THSD7B: variants seen among roughly 807,000 people sequenced by gnomAD.
THSD7B encodes the protein thrombospondin type 1 domain containing 7B.
Under a neutral mutation model 213.6 loss-of-function variants are expected in THSD7B, and 138 were observed. That is an observed-to-expected ratio of 0.65 (90% confidence interval 0.56 to 0.74). THSD7B has a LOEUF of 0.74. Ranked by LOEUF, THSD7B falls within the 30% of genes least tolerant of loss-of-function variation. The probability of loss-of-function intolerance (pLI) is 0.00; values close to 1 mark genes in which losing one functional copy is unlikely to be tolerated. For missense variants in THSD7B, 1,931 were observed against 1,991.5 expected, an observed-to-expected ratio of 0.97 and a Z score of 0.58; for synonymous variants, 742 against 687.0, an observed-to-expected ratio of 1.08 and a Z score of -1.25.
chr2:137,634,794 A>G (rs1266348308), intron 20 of THSD7B, among the ~76,000 whole-genome samples: 1 of 152,196 alleles, frequency 6.6e-6, no homozygotes, highest in African/African-American at 2.4e-5. Flanking sequence ...GAATTGCTTA[A>G]AATTTCCTAC....
At chr2:137,172,405 G>A (rs1037184387) in intron 7 of THSD7B, among the ~76,000 whole-genome samples, 2 of 152,142 alleles carry the variant, frequency 1.3e-5, no homozygotes, top group Non-Finnish European at 2.9e-5. Context: ...TGGAGATTGG[G>A]TTAATTATTG....
At chr2:137,377,418 A>G (rs919724992) in intron 12 of THSD7B, among the ~76,000 whole-genome samples, 2 of 152,196 alleles carry the variant, frequency 1.3e-5, no homozygotes, top group South Asian at 4.1e-4. Context: ...TAAAAAAGTT[A>G]ATATAAATGG....
chr2:137,047,576 G>A (rs1573788073), intron 2 of THSD7B, among the ~76,000 whole-genome samples: 2 of 152,328 alleles, frequency 1.3e-5, no homozygotes, highest in Middle Eastern at 6.8e-3. Flanking sequence ...TGGGAGCCAT[G>A]CAGGAGGGGT....
chr2:136,925,172 T>A (rs1164064176), intron 2 of THSD7B, among the ~76,000 whole-genome samples: 1 of 152,188 alleles, frequency 6.6e-6, no homozygotes, highest in Non-Finnish European at 1.5e-5. Flanking sequence ...CTATTCATTT[T>A]TCTTGTTCTT....
intron 12 of THSD7B, among the ~76,000 whole-genome samples, chr2:137,372,854 C>G (rs989741117): frequency 6.3e-5 from 8 of 126,566 alleles, no homozygotes; most frequent in Non-Finnish European, 9.8e-5. Flanking sequence ...CCCCTCCCCC[C>G]ACCCCACAAC....
intron 1 of THSD7B, among the ~76,000 whole-genome samples, chr2:136,875,234 C>G (rs1473339125): frequency 6.6e-6 from 1 of 152,044 alleles, no homozygotes; most frequent in Non-Finnish European, 1.5e-5. Context: ...CCAGGCTGGC[C>G]AAAATGGTGA....
chr2:136,872,578 TTTC>T (rs1683449779), intron 1 of THSD7B, among the ~76,000 whole-genome samples: 1 of 146,788 alleles, frequency 6.8e-6, no homozygotes, highest in African/African-American at 2.6e-5. Context: ...CTTCTTTCTC[TTTC>T]TTTTTCTTTC....
chr2:136,995,612 G>A (rs778031116), intron 2 of THSD7B, among the ~76,000 whole-genome samples: 7 of 152,094 alleles, frequency 4.6e-5, no homozygotes, highest in Non-Finnish European at 7.4e-5. Context: ...AAAGTGTGAT[G>A]TGAATCAATA....
chr2:137,174,575 T>A (rs1468066644), intron 7 of THSD7B, among the ~76,000 whole-genome samples: 1 of 152,210 alleles, frequency 6.6e-6, no homozygotes, highest in Non-Finnish European at 1.5e-5. Flanking sequence ...TTCCATTTTC[T>A]ACTTTGATTT....
chr2:137,085,107 G>A (rs1687814688), intron 3 of THSD7B, among the ~76,000 whole-genome samples: 1 of 152,202 alleles, frequency 6.6e-6, no homozygotes, highest in Non-Finnish European at 1.5e-5. Context: ...TACACATGAA[G>A]CAAGAGATAG....
At chr2:137,434,034 A>C (rs1043006670) in intron 14 of THSD7B, among the ~76,000 whole-genome samples, 5 of 152,204 alleles carry the variant, frequency 3.3e-5, no homozygotes, top group African/African-American at 1.2e-4. Flanking sequence ...ATATCATCCC[A>C]AAATTTGATA....
At chr2:137,036,666 T>G (rs1686781271) in intron 2 of THSD7B, among the ~76,000 whole-genome samples, 1 of 152,186 alleles carries the variant, frequency 6.6e-6, no homozygotes, top group Non-Finnish European at 1.5e-5. Context: ...AGTGTGCACA[T>G]TCTTTTCCCA....
chr2:136,918,072 T>G (rs1684376404), intron 2 of THSD7B, among the ~76,000 whole-genome samples: 1 of 152,190 alleles, frequency 6.6e-6, no homozygotes, highest in Non-Finnish European at 1.5e-5. Context: ...AAATTTAATT[T>G]GATTGTAAAT....
At chr2:137,127,762 C>T (rs1048762433) in intron 5 of THSD7B, among the ~76,000 whole-genome samples, 3 of 151,958 alleles carry the variant, frequency 2.0e-5, no homozygotes, top group Non-Finnish European at 4.4e-5. Context: ...ACCAAAAATA[C>T]AGAAAATTAG....
At chr2:137,419,934 T>G (rs1224571889) in intron 14 of THSD7B, among the ~76,000 whole-genome samples, 1 of 152,182 alleles carries the variant, frequency 6.6e-6, no homozygotes, top group Admixed American at 6.5e-5. Context: ...TTTGCTATAT[T>G]GACTTTATGT....
intron 17 of THSD7B, among the ~76,000 whole-genome samples, chr2:137,580,823 G>C (rs1429769670): frequency 2.0e-5 from 3 of 152,130 alleles, no homozygotes; most frequent in African/African-American, 7.2e-5. Flanking sequence ...GGAATATTGG[G>C]GGAGGTGCCA....
At chr2:137,314,540 T>G (rs1205413448) in intron 12 of THSD7B, among the ~76,000 whole-genome samples, 1 of 152,374 alleles carries the variant, frequency 6.6e-6, no homozygotes, top group Non-Finnish European at 1.5e-5. Context: ...CTTTGTTCCA[T>G]TGCTGGTGAG....
At chr2:137,180,237 G>T (rs1573870914) in intron 7 of THSD7B, among the ~76,000 whole-genome samples, 2 of 152,204 alleles carry the variant, frequency 1.3e-5, no homozygotes, top group East Asian at 3.9e-4. Context: ...ATACTGTTGA[G>T]CCACTGAATC....
intron 15 of THSD7B, among the ~76,000 whole-genome samples, chr2:137,537,017 A>G (rs1021318933): frequency 6.6e-6 from 1 of 151,794 alleles, no homozygotes; most frequent in African/African-American, 2.4e-5. Context: ...GCATTCCTAG[A>G]ACCCTACTAA....
Sources: gnomAD v4.1 joint callset for allele counts (sites outside exome capture counted in the v4.1 genomes callset) on GRCh38, gnomAD v4.1.1 for gene constraint, MANE v1.5 for transcripts, NCBI Gene and HGNC (gene_info 2026-07-23, HGNC 2026-07-21) for gene names.